The following CALN1 variants were observed in gnomAD, a reference collection of about 807,000 sequenced individuals.
CALN1 encodes calcium-binding protein 8.
CALN1 carries 17 observed loss-of-function variants against 30.6 expected under a neutral mutation model. That is an observed-to-expected ratio of 0.56 (90% CI 0.38 to 0.83). CALN1 has a LOEUF of 0.83. Ranked by LOEUF, CALN1 falls within the 40% of genes least tolerant of loss-of-function variation. CALN1 has a pLI of 0.00. For missense variants in CALN1, 291 were observed against 354.9 expected (o/e 0.82, Z 1.45); for synonymous variants, 156 against 131.4 (o/e 1.19, Z -1.28).
chr7:72,456,941 C>T, the CALN1 span, among the ~76,000 whole-genome samples: 1 of 151,650 alleles, frequency 6.6e-6, no homozygotes, highest in East Asian at 1.9e-4. Context: ...ATGAGGGAAA[C>T]TTGAACAAGG....
At chr7:72,054,947 G>A (rs1298494059) in intron 4 of CALN1, among the ~76,000 whole-genome samples, 1 of 152,112 alleles carries the variant, frequency 6.6e-6, no homozygotes, top group African/African-American at 2.4e-5. Flanking sequence ...GCTAGAGACT[G>A]GGAGGTAAAA....
chr7:71,852,471 TAAAAA>T (rs35252557), intron 5 of CALN1, among the ~76,000 whole-genome samples: 1 of 118,638 alleles, frequency 8.4e-6, no homozygotes, highest in Admixed American at 9.0e-5. Context: ...ACCCTGTCTC[TAAAAA>T]AAAAAAAAAA....
chr7:72,034,724 A>C (rs1801680799), intron 4 of CALN1, among the ~76,000 whole-genome samples: 3 of 133,992 alleles, frequency 2.2e-5, no homozygotes, highest in African/African-American at 8.3e-5. Context: ...GGAGGCGGAG[A>C]TTGTGGTGAG....
chr7:71,996,159 G>A (rs1799242358), intron 5 of CALN1, among the ~76,000 whole-genome samples: 1 of 152,066 alleles, frequency 6.6e-6, no homozygotes, highest in Non-Finnish European at 1.5e-5. Context: ...TAAACGAGGT[G>A]ACTAAACCTA....
At chr7:71,900,994 C>T (rs912889764) in intron 5 of CALN1, among the ~76,000 whole-genome samples, 12 of 152,140 alleles carry the variant, frequency 7.9e-5, no homozygotes, top group Non-Finnish European at 1.5e-4. Flanking sequence ...AAAGGAGTTT[C>T]CCCAATGCCA....
intron 4 of CALN1, among the ~76,000 whole-genome samples, chr7:72,100,688 C>CG (rs1000810973): frequency 2.0e-5 from 3 of 151,472 alleles, no homozygotes; most frequent in Non-Finnish European, 4.4e-5. Flanking sequence ...GGCGTGGTGG[C>CG]GGGTGCCTGT....
intron 5 of CALN1, among the ~76,000 whole-genome samples, chr7:71,950,713 C>T (rs1485525837): frequency 1.3e-5 from 2 of 152,202 alleles, no homozygotes; most frequent in East Asian, 3.9e-4. Flanking sequence ...CTTCAGACCA[C>T]ACAGGGAATC....
At chr7:71,826,147 T>A (rs150504053) in intron 5 of CALN1, among the ~76,000 whole-genome samples, 12 of 151,216 alleles carry the variant, frequency 7.9e-5, no homozygotes, top group Admixed American at 4.6e-4. Context: ...CTCATTGGTA[T>A]GGAGAGACAG....
At chr7:71,987,270 C>A (rs1163602024) in intron 5 of CALN1, among the ~76,000 whole-genome samples, 1 of 152,192 alleles carries the variant, frequency 6.6e-6, no homozygotes, top group Non-Finnish European at 1.5e-5. Flanking sequence ...TTGATTATGT[C>A]ACGAGTTGTG....
chr7:72,203,979 CTTTTTTTTTTTTTT>C (rs869149598), intron 3 of CALN1, among the ~76,000 whole-genome samples: 3 of 83,778 alleles, frequency 3.6e-5, no homozygotes, highest in South Asian at 4.7e-4. Flanking sequence ...AGGCCTCTCT[CTTTTTTTTTTTTTT>C]TTTTTTTTTT....
At chr7:72,146,716 C>G (rs958331379) in intron 3 of CALN1, among the ~76,000 whole-genome samples, 1 of 152,162 alleles carries the variant, frequency 6.6e-6, no homozygotes, top group African/African-American at 2.4e-5. Flanking sequence ...TGACTTCAAA[C>G]TATACTACAA....
chr7:71,846,344 T>C (rs998447038), intron 5 of CALN1, among the ~76,000 whole-genome samples: 2 of 152,158 alleles, frequency 1.3e-5, no homozygotes, highest in Admixed American at 6.6e-5. Context: ...GCAGAGGTTA[T>C]GGCCAGGCTG....
At chr7:72,072,026 G>A (rs117476173) in intron 4 of CALN1, among the ~76,000 whole-genome samples, 1 of 152,124 alleles carries the variant, frequency 6.6e-6, no homozygotes, top group African/African-American at 2.4e-5. Flanking sequence ...AGAACATAAA[G>A]TATGTGTGAG....
intron 4 of CALN1, among the ~76,000 whole-genome samples, chr7:72,070,423 G>A (rs545458515): frequency 2.6e-5 from 4 of 152,302 alleles, no homozygotes; most frequent in African/African-American, 9.6e-5. Flanking sequence ...CCAGCATTCT[G>A]TTGTTTACGG....
At chr7:72,246,584 A>G (rs1374009750) in intron 3 of CALN1, among the ~76,000 whole-genome samples, 1 of 152,148 alleles carries the variant, frequency 6.6e-6, no homozygotes, top group East Asian at 1.9e-4. Flanking sequence ...TGTTTTGCTA[A>G]GAAAGTGATG....
At chr7:72,498,042 A>C in the CALN1 span, among the ~76,000 whole-genome samples, 1 of 152,152 alleles carries the variant, frequency 6.6e-6, no homozygotes, top group Non-Finnish European at 1.5e-5. Context: ...ATTTTTAAAA[A>C]CCATTACACA....
intron 2 of CALN1, among the ~76,000 whole-genome samples, chr7:72,316,687 G>C (rs1162767009): frequency 6.6e-6 from 1 of 152,108 alleles, no homozygotes; most frequent in Non-Finnish European, 1.5e-5. Context: ...TGAAACCCCA[G>C]CATTTTGGGA....
intron 5 of CALN1, among the ~76,000 whole-genome samples, chr7:71,862,886 A>G (rs1329354495): frequency 6.6e-6 from 1 of 152,224 alleles, no homozygotes; most frequent in East Asian, 1.9e-4. Context: ...TGGACAGAGA[A>G]GAGGAAATCC....
intron 3 of CALN1, among the ~76,000 whole-genome samples, chr7:72,251,400 T>G (rs1486599869): frequency 6.6e-6 from 1 of 152,108 alleles, no homozygotes; most frequent in Non-Finnish European, 1.5e-5. Context: ...GAACTACTTT[T>G]TTTTTCCTTT....
Sources: allele counts gnomAD v4.1 joint callset (sites outside exome capture counted in the v4.1 genomes callset), GRCh38; gene constraint gnomAD v4.1.1; transcripts MANE v1.5; gene names NCBI Gene and HGNC (gene_info 2026-07-23, HGNC 2026-07-21).